Variants in SMIM31 observed in about 807,000 individuals in gnomAD.
SMIM31 encodes the protein human epithelial cell program regulator.
At chr4:164,800,329 C>G (rs925953386) in intron 2 of SMIM31, among the ~76,000 whole-genome samples, 1 of 151,942 alleles carries the variant, frequency 6.6e-6, no homozygotes, top group Admixed American at 6.6e-5. Flanking sequence ...CCTGCCTCAG[C>G]CCCCTGAGTA....
At chr4:164,777,389 G>A (rs192666228) in intron 2 of SMIM31, among the ~76,000 whole-genome samples, 4 of 152,236 alleles carry the variant, frequency 2.6e-5, no homozygotes, top group East Asian at 3.9e-4. Flanking sequence ...CACCTATTTC[G>A]TTGTTCTTTA....
chr4:164,770,270 C>T lies in SMIM31; in HGVS notation c.-25-149C>T, dbSNP rs147239596. On this transcript the variant is annotated intron_variant, in intron 1 of 2. Transcript: ENST00000507311. The stretch of plus-strand genomic sequence containing the variant: ...ACAACAAGAGCACAGTCCATTCTTG[C>T]CACTGCCAAATACATTGTTCCAGGT... 6.2e-5 allele frequency: 24 copies of T among 385,578 alleles called. No homozygotes were observed. The East Asian group carries it at 8.8e-4, about 14-fold the overall frequency. 23.9% of individuals were successfully genotyped at this position (385,578 alleles called of 1,614,324 possible). A position where few individuals can be genotyped will look rare whatever the true frequency, so the allele number is the denominator to read the frequency against.
intron 2 of SMIM31, among the ~76,000 whole-genome samples, chr4:164,779,228 A>G (rs759400896): frequency 1.3e-5 from 2 of 152,194 alleles, no homozygotes; most frequent in East Asian, 1.9e-4. Flanking sequence ...GTGGGTTTAC[A>G]TTTTGGTCAC....
chr4:164,788,057 T>C (rs1733049631), intron 2 of SMIM31, among the ~76,000 whole-genome samples: 1 of 152,190 alleles, frequency 6.6e-6, no homozygotes, highest in Non-Finnish European at 1.5e-5. Flanking sequence ...CAATATATAT[T>C]AGGAAGACTG....
chr4:164,783,785 A>C (rs538847054), intron 2 of SMIM31, among the ~76,000 whole-genome samples: 1 of 152,104 alleles, frequency 6.6e-6, no homozygotes, highest in Non-Finnish European at 1.5e-5. Context: ...ATACATACAC[A>C]CATAAAAAGA....
At chr4:164,794,426 T>C (rs1345416396) in intron 2 of SMIM31, among the ~76,000 whole-genome samples, 4 of 152,002 alleles carry the variant, frequency 2.6e-5, no homozygotes, top group African/African-American at 7.2e-5. Context: ...GAAAAGTAGA[T>C]GTATATGTGG....
intron 2 of SMIM31, among the ~76,000 whole-genome samples, chr4:164,775,472 C>T (rs1271225848): frequency 6.6e-6 from 1 of 152,216 alleles, no homozygotes; most frequent in Non-Finnish European, 1.5e-5. Flanking sequence ...GATAGCAAAA[C>T]AATCCCAACT....
rs114495907 is a variant in SMIM31, at chr4:164,765,310, G to A, written c.-25-5109G>A. ...ACACATCATTTGTCATTCAGCAAGCGTGATTTGCCAAGTACTTGGTGTCAG... is the reference window on the plus strand; with the variant it reads ...ACACATCATTTGTCATTCAGCAAGCATGATTTGCCAAGTACTTGGTGTCAG... On this transcript the variant is annotated intron_variant, in intron 1 of 2. Transcript: ENST00000507311. Among the ~76,000 whole-genome samples the A allele has an allele frequency of 3.5e-3, 537 of 152,292 alleles. 3 individuals are homozygous for A. Among genetic ancestry groups the A allele is most frequent in the African/African-American group, 0.011 (474 of 41,558 alleles).
chr4:164,794,266 C>T (rs1048349904), intron 2 of SMIM31, among the ~76,000 whole-genome samples: 1 of 151,952 alleles, frequency 6.6e-6, no homozygotes, highest in Non-Finnish European at 1.5e-5. Context: ...GTAGTTCCAG[C>T]TATTTGGGAG....
chr4:164,768,235 CAA>C (rs58450552), intron 1 of SMIM31, among the ~76,000 whole-genome samples: 2 of 75,806 alleles, frequency 2.6e-5, no homozygotes, highest in African/African-American at 4.0e-5. Context: ...GACTTTGTCA[CAA>C]AAAAAAAAAA....
At chr4:164,764,433 G>A (rs1732692801) in intron 1 of SMIM31, among the ~76,000 whole-genome samples, 1 of 152,104 alleles carries the variant, frequency 6.6e-6, no homozygotes, top group African/African-American at 2.4e-5. Context: ...TGAGCGTGGT[G>A]GCGTGTGCCT....
At chr4:164,769,881 AT>A (rs1476615503) in intron 1 of SMIM31, among the ~76,000 whole-genome samples, 3 of 152,116 alleles carry the variant, frequency 2.0e-5, no homozygotes, top group African/African-American at 7.2e-5. Context: ...AGTATAGTAT[AT>A]TGATTAAGAG....
chr4:164,790,447 C>T (rs563058676), intron 2 of SMIM31, among the ~76,000 whole-genome samples: 384 of 152,274 alleles, frequency 2.5e-3, no homozygotes, highest in Non-Finnish European at 4.6e-3. Context: ...CTTTAAGTGA[C>T]ATCACATGAC....
chr4:164,788,729 G>A lies in SMIM31; in HGVS notation c.113-12362G>A, dbSNP rs574842504. Among the ~76,000 whole-genome samples, 296 of 151,086 alleles carry A rather than the reference G, an allele frequency of 2.0e-3. 1 individual carries two copies. Among genetic ancestry groups the A allele is most frequent in the Non-Finnish European group, 3.6e-3 (242 of 67,716 alleles). On this transcript the variant is annotated intron_variant, in intron 2 of 2. Transcript: ENST00000507311. The stretch of plus-strand genomic sequence containing the variant: ...TCGAACTCCTGACCTCAGGTGATCC[G>A]CCCGCCTCGGCCTCTCAAAGTGCTG...
In SMIM31 at chr4:164,770,545, C is replaced by T. The variant is rs939400896; in HGVS notation, c.102C>T (p.Asp34=). ...CTTCCATCTACACTACTCCGGATGACAGTAATGAAGGTAAAAGAAGACAAA... is the reference window on the plus strand; with the variant it reads ...CTTCCATCTACACTACTCCGGATGATAGTAATGAAGGTAAAAGAAGACAAA... ...TLASIYTTPD[D]SNEEEEHEKK... is the part of the protein sequence containing the mutation. The change falls in exon 2 of 3, where the codon GAC becomes GAT. Residue 34 remains aspartate, a synonymous_variant. Transcript: ENST00000507311. 1.3e-5 allele frequency: 5 copies of T among 398,936 alleles called. No homozygotes were observed. Among genetic ancestry groups the T allele is most frequent in the Non-Finnish European group, 1.8e-5 (4 of 226,018 alleles). 24.7% of individuals were successfully genotyped at this position (398,936 alleles called of 1,614,324 possible).
chr4:164,762,662 C>CAAAAA (rs1162067333), intron 1 of SMIM31, among the ~76,000 whole-genome samples: 413 of 99,108 alleles, frequency 4.2e-3, no homozygotes, highest in Non-Finnish European at 6.1e-3. Flanking sequence ...GACTCTGTCT[C>CAAAAA]AAAAAAAAAA....
chr4:164,756,633 AG>A (rs1732565365), intron 1 of SMIM31, among the ~76,000 whole-genome samples: 1 of 151,944 alleles, frequency 6.6e-6, no homozygotes, highest in Non-Finnish European at 1.5e-5. Flanking sequence ...ATATGGCTCC[AG>A]ATCTAGAATG....
chr4:164,779,439 A>C (rs17583353), intron 2 of SMIM31, among the ~76,000 whole-genome samples: 382 of 152,328 alleles, frequency 2.5e-3, no homozygotes, highest in Non-Finnish European at 4.2e-3. Context: ...CTATTAGCAA[A>C]AGACCAAACT....
chr4:164,780,596 A>T (rs1332459963), intron 2 of SMIM31, among the ~76,000 whole-genome samples: 1 of 152,258 alleles, frequency 6.6e-6, no homozygotes, highest in East Asian at 1.9e-4. Flanking sequence ...TAGCTCTACA[A>T]TGAGGAAGAA....
Sources: gnomAD v4.1 joint callset for allele counts (sites outside exome capture counted in the v4.1 genomes callset) on GRCh38, gnomAD v4.1.1 for gene constraint, MANE v1.5 for transcripts, NCBI Gene and HGNC (gene_info 2026-07-23, HGNC 2026-07-21) for gene names.